NPEPPS: variants seen among roughly 807,000 people sequenced by gnomAD.
The protein encoded by NPEPPS is puromycin-sensitive aminopeptidase.
Under a neutral mutation model 115.5 loss-of-function variants are expected in NPEPPS, and 14 were observed. That is an observed-to-expected ratio of 0.12 (90% CI 0.08 to 0.19). The LOEUF is 0.19. Ranked by LOEUF, NPEPPS falls within the 10% of genes least tolerant of loss-of-function variation. The pLI is 1.00. For synonymous variants in NPEPPS, 285 were observed against 390.6 expected, an observed-to-expected ratio of 0.73 and a Z score of 3.19; for missense variants, 523 against 1,110.8, an observed-to-expected ratio of 0.47 and a Z score of 7.52.
At chr17:47,602,100 C>T in intron 15 of NPEPPS, 1 of 218,320 alleles carries the variant, frequency 4.6e-6, no homozygotes, top group South Asian at 6.6e-5. Flanking sequence ...CATATGTGTA[C>T]TACTGTAATC....
intron 19 of NPEPPS, among the ~76,000 whole-genome samples, chr17:47,617,279 G>A (rs1279088712): frequency 6.6e-6 from 1 of 152,084 alleles, no homozygotes; most frequent in African/African-American, 2.4e-5. Context: ...CAGTTAAAAA[G>A]TGTGAAGATG....
chr17:47,580,337 A>G (rs1487355405), intron 4 of NPEPPS: 1 of 152,166 alleles, frequency 6.6e-6, no homozygotes, highest in African/African-American at 2.4e-5. Context: ...GAATGATTCT[A>G]ATGCCTTTCT....
chr17:47,584,858 C>T (rs773625948), intron 5 of NPEPPS, among the ~76,000 whole-genome samples: 20 of 152,070 alleles, frequency 1.3e-4, no homozygotes, highest in African/African-American at 3.6e-4. Flanking sequence ...GAAGGAGTCT[C>T]GCTGTGTCGC....
At chr17:47,616,173 T>C (rs1914186450) in intron 19 of NPEPPS, among the ~76,000 whole-genome samples, 1 of 152,114 alleles carries the variant, frequency 6.6e-6, no homozygotes, top group Non-Finnish European at 1.5e-5. Context: ...GATGAAGGAC[T>C]TAGTCAAGAT....
Position 47,622,722 on chromosome 17 carries a change from CT to C in NPEPPS, c.*807del. The C allele has an allele frequency of 2.6e-6, 1 of 386,912 alleles. No individual in the cohort carries two copies. Among genetic ancestry groups the C allele is most frequent in the Non-Finnish European group, 4.9e-6 (1 of 204,522 alleles). The allele number at this position is 386,912 out of a possible 1,614,324, so 24.0% of individuals were successfully genotyped here. On this transcript the variant is annotated 3_prime_UTR_variant, in exon 23 of 23. Coordinates refer to ENST00000322157, the MANE Select transcript of NPEPPS (RefSeq NM_006310.4). ...AGAAACTGATATACATTATTTTTTT[CT>C]TTTTAAAGATGACTTATAAGAACCC...
At chr17:47,614,338 G>A (rs1220210814) in intron 19 of NPEPPS, among the ~76,000 whole-genome samples, 7 of 152,254 alleles carry the variant, frequency 4.6e-5, no homozygotes, top group Non-Finnish European at 8.8e-5. Flanking sequence ...TATCTTCAGT[G>A]TAAACTTACT....
chr17:47,558,046 C>G (rs529824250), intron 2 of NPEPPS, among the ~76,000 whole-genome samples: 1 of 152,016 alleles, frequency 6.6e-6, no homozygotes, highest in South Asian at 2.1e-4. Flanking sequence ...TGTGCCTCAG[C>G]CTCCCGAGTA....
chr17:47,559,558 G>C (rs1030893543), intron 2 of NPEPPS: 1 of 435,536 alleles, frequency 2.3e-6, no homozygotes, highest in Non-Finnish European at 4.5e-6. Flanking sequence ...ATCTAGGGGA[G>C]CTTTTGTTTT....
intron 2 of NPEPPS, 79 bp from the exon 3 acceptor site, chr17:47,569,338 G>T (rs1458444832): frequency 5.8e-6 from 5 of 867,948 alleles, no homozygotes; most frequent in Non-Finnish European, 7.3e-6. Context: ...TAGAGATTTT[G>T]CTCTTGAAAA....
chr17:47,615,081 T>C (rs1049804313), intron 19 of NPEPPS, among the ~76,000 whole-genome samples: 6 of 45,346 alleles, frequency 1.3e-4, no homozygotes, highest in Non-Finnish European at 3.6e-4. Flanking sequence ...TTCTTTTTTT[T>C]TTTTTTTTTT....
intron 2 of NPEPPS, among the ~76,000 whole-genome samples, chr17:47,562,886 T>C (rs1910532516): frequency 6.6e-6 from 1 of 152,128 alleles, no homozygotes. Context: ...GTGTTATTCT[T>C]GTTATTGATT....
At chr17:47,546,338 A>C (rs1400026406) in intron 2 of NPEPPS, among the ~76,000 whole-genome samples, 3 of 151,886 alleles carry the variant, frequency 2.0e-5, no homozygotes, top group Non-Finnish European at 2.9e-5. Context: ...AGGTGGGAGG[A>C]TCTATTGAGC....
chr17:47,534,528 C>G (rs1908055031), intron 1 of NPEPPS, among the ~76,000 whole-genome samples: 1 of 152,092 alleles, frequency 6.6e-6, no homozygotes, highest in Non-Finnish European at 1.5e-5. Context: ...GTGTAGGTTA[C>G]ATATTAGAAA....
At chr17:47,562,844 A>G (rs1001463882) in intron 2 of NPEPPS, among the ~76,000 whole-genome samples, 9 of 150,110 alleles carry the variant, frequency 6.0e-5, no homozygotes, top group African/African-American at 1.9e-4. Context: ...CTTTTTCTGT[A>G]ATTTATTCAT....
intron 5 of NPEPPS, among the ~76,000 whole-genome samples, chr17:47,585,084 C>T (rs1255529430): frequency 6.6e-6 from 1 of 152,174 alleles, no homozygotes; most frequent in Admixed American, 6.5e-5. Flanking sequence ...GCCTAAGCCT[C>T]CCAAAGTGCT....
chr17:47,572,623 A>G (rs1337470628), intron 3 of NPEPPS, among the ~76,000 whole-genome samples: 1 of 152,226 alleles, frequency 6.6e-6, no homozygotes, highest in Admixed American at 6.5e-5. Context: ...GATGGGTATA[A>G]AAAACCCAGT....
chr17:47,604,257 C>A, intron 16 of NPEPPS: 1 of 402,184 alleles, frequency 2.5e-6, no homozygotes, highest in Non-Finnish European at 4.3e-6. Flanking sequence ...AGCCAGCTTT[C>A]TGAAACTCTT....
chr17:47,563,798 T>C lies in NPEPPS; in HGVS notation c.341-5619T>C, dbSNP rs1308909477. Among the ~76,000 whole-genome samples, 8 of 152,224 alleles carry C rather than the reference T, an allele frequency of 5.3e-5. No homozygotes were observed. In the East Asian group the frequency reaches 9.7e-4, roughly 18 times the overall value. ...TGTTGGCCAGGATGGTCTCGATCTC[T>C]TGACCTCGTGATCCGCCCTCCTTGG... On this transcript the variant is annotated intron_variant, in intron 2 of 22. Coordinates refer to ENST00000322157, the MANE Select transcript of NPEPPS (RefSeq NM_006310.4).
At chr17:47,558,711 C>G (rs1418325509) in intron 2 of NPEPPS, among the ~76,000 whole-genome samples, 2 of 152,144 alleles carry the variant, frequency 1.3e-5, no homozygotes, top group African/African-American at 4.8e-5. Context: ...TAGGCGTGAG[C>G]CACCATGCCC....
Sources: allele counts gnomAD v4.1 joint callset (sites outside exome capture counted in the v4.1 genomes callset), GRCh38; gene constraint gnomAD v4.1.1; transcripts MANE v1.5; gene names NCBI Gene and HGNC (gene_info 2026-07-23, HGNC 2026-07-21).